The following GALNT13 variants were observed in gnomAD, a reference collection of about 807,000 sequenced individuals.
GALNT13 encodes UDP-GalNAc:polypeptide N-acetylgalactosaminyltransferase 13.
Under a neutral mutation model 64.2 loss-of-function variants are expected in GALNT13, and 28 were observed. The observed-to-expected ratio is 0.44, with a 90% CI of 0.32 to 0.60. The LOEUF is 0.60. GALNT13 is among the 20% of genes least tolerant of loss of function. The pLI is 0.05. For missense variants in GALNT13, 577 were observed against 669.8 expected, an observed-to-expected ratio of 0.86 and a Z score of 1.53; for synonymous variants, 214 against 224.6, an observed-to-expected ratio of 0.95 and a Z score of 0.42.
the GALNT13 span, among the ~76,000 whole-genome samples, chr2:153,118,518 AC>A: frequency 6.6e-6 from 1 of 152,126 alleles, no homozygotes; most frequent in Non-Finnish European, 1.5e-5. Context: ...TAAGTGGTCC[AC>A]CCACTATTAT....
intron 3 of GALNT13, among the ~76,000 whole-genome samples, chr2:154,129,816 G>A (rs1682507302): frequency 6.6e-6 from 1 of 151,986 alleles, no homozygotes; most frequent in Non-Finnish European, 1.5e-5. Flanking sequence ...GTTGCGAGAG[G>A]ACTGTTAATG....
intron 4 of GALNT13, among the ~76,000 whole-genome samples, chr2:154,150,352 G>C (rs1442273661): frequency 6.6e-6 from 1 of 151,340 alleles, no homozygotes; most frequent in Non-Finnish European, 1.5e-5. Context: ...GAGGATTTTT[G>C]CTTCAATGTT....
intron 8 of GALNT13, among the ~76,000 whole-genome samples, chr2:154,267,789 G>A (rs1426257320): frequency 6.6e-6 from 1 of 152,058 alleles, no homozygotes; most frequent in Non-Finnish European, 1.5e-5. Context: ...TCAAAACTCA[G>A]TAATAAGAAA....
chr2:153,927,963 A>T (rs1213387821), intron 2 of GALNT13, among the ~76,000 whole-genome samples: 3 of 152,216 alleles, frequency 2.0e-5, no homozygotes, highest in East Asian at 3.9e-4. Context: ...GGAGCAGACA[A>T]ATAAAACTTT....
chr2:154,338,229 C>T (rs1315639015), intron 9 of GALNT13, among the ~76,000 whole-genome samples: 2 of 152,028 alleles, frequency 1.3e-5, no homozygotes, highest in Admixed American at 6.6e-5. Flanking sequence ...GAGTTAATTC[C>T]TGCAATATTG....
chr2:154,400,549 G>A (rs1418085999), intron 10 of GALNT13, among the ~76,000 whole-genome samples: 1 of 152,042 alleles, frequency 6.6e-6, no homozygotes, highest in Non-Finnish European at 1.5e-5. Context: ...CATCACCAAA[G>A]TCAATAGTTA....
At chr2:153,866,190 T>C in the GALNT13 span, among the ~76,000 whole-genome samples, 13 of 120,596 alleles carry the variant, frequency 1.1e-4, no homozygotes, top group South Asian at 3.2e-4. Context: ...AGGGATAGCA[T>C]TGGGAGATAT....
At chr2:153,629,391 G>A in the GALNT13 span, among the ~76,000 whole-genome samples, 35,131 of 151,008 alleles carry the variant, frequency 0.23, 4,854 homozygotes, top group African/African-American at 0.39. Context: ...AAAACAAGCA[G>A]TGGGGAAAGG....
chr2:153,845,534 T>C, the GALNT13 span, among the ~76,000 whole-genome samples: 6 of 152,216 alleles, frequency 3.9e-5, no homozygotes, highest in African/African-American at 1.4e-4. Context: ...TCTGTCCCCA[T>C]GATCCAAACA....
At chr2:154,427,357 G>A (rs1334162990) in intron 11 of GALNT13, among the ~76,000 whole-genome samples, 3 of 152,164 alleles carry the variant, frequency 2.0e-5, no homozygotes, top group African/African-American at 2.4e-5. Flanking sequence ...TGGCAGATAA[G>A]CTATCTGGGT....
At chr2:154,040,227 C>A (rs1034777468) in intron 3 of GALNT13, among the ~76,000 whole-genome samples, 2 of 139,894 alleles carry the variant, frequency 1.4e-5, no homozygotes, top group African/African-American at 4.9e-5. Context: ...ATAGGGTGAA[C>A]TAAAAGTCCA....
At chr2:153,449,231 T>A in the GALNT13 span, among the ~76,000 whole-genome samples, 1 of 152,150 alleles carries the variant, frequency 6.6e-6, no homozygotes, top group Non-Finnish European at 1.5e-5. Context: ...CTTTTTAAGT[T>A]ACCCAGTCTA....
At chr2:154,148,449 G>T (rs565603532) in intron 4 of GALNT13, among the ~76,000 whole-genome samples, 1 of 152,294 alleles carries the variant, frequency 6.6e-6, no homozygotes, top group South Asian at 2.1e-4. Flanking sequence ...CCAGTAATGG[G>T]ATGGCTGAGT....
chr2:153,277,927 C>CTTTTTTTTTTTTTTT, the GALNT13 span, among the ~76,000 whole-genome samples: 23 of 80,108 alleles, frequency 2.9e-4, 1 homozygote, highest in East Asian at 6.2e-4. Flanking sequence ...TCTTTTCTTT[C>CTTTTTTTTTTTTTTT]TTTTTTTTTT....
At chr2:153,871,166 C>T (rs904401125), upstream of GALNT13, among the ~76,000 whole-genome samples, 6 of 152,202 alleles carry the variant, frequency 3.9e-5, no homozygotes, top group African/African-American at 1.4e-4. Context: ...ATTCATACGT[C>T]CAGGTACTTC....
intron 4 of GALNT13, among the ~76,000 whole-genome samples, chr2:154,203,609 A>G (rs1310087468): frequency 6.6e-6 from 1 of 152,126 alleles, no homozygotes; most frequent in South Asian, 2.1e-4. Context: ...GGAACCCCCA[A>G]TTCATCCATT....
the GALNT13 span, among the ~76,000 whole-genome samples, chr2:153,444,504 G>A: frequency 1.3e-5 from 2 of 152,166 alleles, no homozygotes; most frequent in Non-Finnish European, 2.9e-5. Flanking sequence ...CCATTTGATG[G>A]TATGACTAGG....
chr2:154,408,873 A>G, intron 10 of GALNT13, 111 bp from the exon 11 acceptor site: 1 of 689,574 alleles, frequency 1.5e-6, no homozygotes, highest in Non-Finnish European at 2.6e-6. Context: ...AAATTTTCTT[A>G]TGAAGTTGTA....
chr2:154,283,627 T>C (rs1275477216), intron 8 of GALNT13, among the ~76,000 whole-genome samples: 1 of 150,248 alleles, frequency 6.7e-6, no homozygotes, highest in Non-Finnish European at 1.5e-5. Flanking sequence ...AGAAACGTGA[T>C]GCTTTTTCTT....
Sources: allele counts gnomAD v4.1 joint callset (sites outside exome capture counted in the v4.1 genomes callset), GRCh38; gene constraint gnomAD v4.1.1; transcripts MANE v1.5; gene names NCBI Gene and HGNC (gene_info 2026-07-23, HGNC 2026-07-21).